PIK3C2G: variants seen among roughly 807,000 people sequenced by gnomAD.
PIK3C2G encodes the protein phosphatidylinositol 3-kinase C2 domain-containing subunit gamma.
Under a neutral mutation model 181.1 loss-of-function variants are expected in PIK3C2G, and 168 were observed. The observed-to-expected ratio is 0.93, with a 90% CI of 0.82 to 1.05. The LOEUF (loss-of-function observed/expected upper bound fraction) is 1.05, where lower values mean the gene tolerates loss of function less well. Among genes scored for constraint, PIK3C2G ranks in the 50% least tolerant of loss-of-function variants. The pLI is 0.00. For missense variants in PIK3C2G, 1,869 were observed against 1,732.8 expected (o/e 1.08, Z -1.40); for synonymous variants, 573 against 592.2 (o/e 0.97, Z 0.47).
chr12:18,612,775 T>C (rs1355127956), intron 31 of PIK3C2G, among the ~76,000 whole-genome samples: 2 of 152,180 alleles, frequency 1.3e-5, no homozygotes, highest in African/African-American at 2.4e-5. Flanking sequence ...AATATTAAAA[T>C]GAATTATTAT....
At chr12:18,645,683 A>C (rs941121224) in intron 32 of PIK3C2G, among the ~76,000 whole-genome samples, 1 of 152,188 alleles carries the variant, frequency 6.6e-6, no homozygotes, top group Non-Finnish European at 1.5e-5. Flanking sequence ...CTTTGTAGCA[A>C]GGCTTATATT....
At chr12:18,509,203 G>T (rs890903953) in intron 24 of PIK3C2G, among the ~76,000 whole-genome samples, 2 of 151,854 alleles carry the variant, frequency 1.3e-5, no homozygotes, top group South Asian at 2.1e-4. Flanking sequence ...ATGCCACCAC[G>T]CCTGGCTAAT....
intron 24 of PIK3C2G, among the ~76,000 whole-genome samples, chr12:18,528,474 T>A (rs894775300): frequency 2.0e-5 from 3 of 152,198 alleles, no homozygotes; most frequent in Non-Finnish European, 4.4e-5. Context: ...GCCTTATTAC[T>A]AAGTCCCACT....
intron 5 of PIK3C2G, among the ~76,000 whole-genome samples, chr12:18,308,880 T>C (rs1950528718): frequency 6.6e-6 from 1 of 151,856 alleles, no homozygotes; most frequent in South Asian, 2.1e-4. Flanking sequence ...GTGAGGAATG[T>C]AGCACTGTTA....
intron 4 of PIK3C2G, among the ~76,000 whole-genome samples, chr12:18,292,169 C>T (rs1446555544): frequency 7.6e-6 from 1 of 131,330 alleles, no homozygotes; most frequent in Non-Finnish European, 1.6e-5. Flanking sequence ...GAGATCGCAC[C>T]ATTGCACTCC....
intron 11 of PIK3C2G, among the ~76,000 whole-genome samples, chr12:18,350,442 G>C (rs1303745990): frequency 1.3e-5 from 2 of 152,038 alleles, no homozygotes; most frequent in Non-Finnish European, 2.9e-5. Flanking sequence ...AAAATGATTT[G>C]ACAGTACTTT....
chr12:18,695,408 C>T, the PIK3C2G span, among the ~76,000 whole-genome samples: 3 of 152,110 alleles, frequency 2.0e-5, no homozygotes, highest in Non-Finnish European at 4.4e-5. Flanking sequence ...AGTATCAGTG[C>T]ATTGAATGCA....
At chr12:18,468,800 T>TA (rs375032137) in intron 18 of PIK3C2G, among the ~76,000 whole-genome samples, 127 of 152,176 alleles carry the variant, frequency 8.3e-4, no homozygotes, top group African/African-American at 2.3e-3. Context: ...ATTACTTTTT[T>TA]AAAAAAATAT....
At chr12:18,713,306 C>A in the PIK3C2G span, among the ~76,000 whole-genome samples, 1 of 152,114 alleles carries the variant, frequency 6.6e-6, no homozygotes. Context: ...TCTGAAACAT[C>A]CCTACTCCCA....
the PIK3C2G span, among the ~76,000 whole-genome samples, chr12:18,704,140 G>C: frequency 7.2e-5 from 11 of 152,166 alleles, no homozygotes; most frequent in Middle Eastern, 3.2e-3. Context: ...GAGGTCGACA[G>C]TATTGAATGT....
At position 18,362,850 on chromosome 12, in the gene PIK3C2G, A is replaced by G; in HGVS notation, c.1712A>G (p.Lys571Arg). 1.3e-6 allele frequency: 2 copies of G among 1,518,298 alleles called. No individual in the cohort carries two copies. Among genetic ancestry groups the G allele is most frequent in the Non-Finnish European group, 1.8e-6 (2 of 1,137,340 alleles). 94.1% of individuals were successfully genotyped at this position (1,518,298 alleles called of 1,614,324 possible). ...QVRNYRNIPD[K>R]KLFFFLVNWN... ...AGAAACTACAGAAATATTCCAGACA[A>G]GAAATTATTTTTTTTCTTGGTCAAC... Residue 571 changes from lysine to arginine, a missense_variant, in exon 12 of 33, where the codon AAG (lysine) becomes AGG (arginine). By Grantham distance (26) the Lys-to-Arg change is conservative. Coordinates refer to ENST00000538779, the MANE Select transcript of PIK3C2G (RefSeq NM_001288772.2).
chr12:18,635,348 C>T (rs1949545138), intron 31 of PIK3C2G, among the ~76,000 whole-genome samples: 1 of 152,190 alleles, frequency 6.6e-6, no homozygotes, highest in Non-Finnish European at 1.5e-5. Flanking sequence ...GACACGCCAT[C>T]AAGGCCAGTT....
chr12:18,421,783 A>G (rs1945503863), intron 17 of PIK3C2G, among the ~76,000 whole-genome samples: 3 of 151,412 alleles, frequency 2.0e-5, no homozygotes, highest in Admixed American at 2.0e-4. Flanking sequence ...CTGAAAGGTC[A>G]GGTTGTTACA....
chr12:18,282,490 G>A lies in PIK3C2G; in HGVS notation c.409G>A (p.Asp137Asn), dbSNP rs1949262869. 3.7e-6 allele frequency: 6 copies of A among 1,612,590 alleles called. No homozygotes were observed. The highest frequency in any genetic ancestry group is 5.1e-6 in the Non-Finnish European group (6 of 1,178,924). The change falls in exon 2 of 33, where the codon GAT becomes AAT. Residue 137 changes from aspartate (D) to asparagine (N), a missense_variant. Physicochemically the swap from Asp to Asn is conservative, Grantham distance 23. Coordinates refer to ENST00000538779, the MANE Select transcript of PIK3C2G (RefSeq NM_001288772.2). ...GSPIGKHHGADDSRFSILAPS... is the reference protein window; with the variant it reads ...GSPIGKHHGANDSRFSILAPS... ...CCCCATAGGAAAACATCATGGTGCT[G>A]ATGATTCCAGATTCAGTATTTTAGC...
chr12:18,605,530 T>C (rs909598357), intron 30 of PIK3C2G, among the ~76,000 whole-genome samples: 19 of 152,174 alleles, frequency 1.2e-4, no homozygotes, highest in Admixed American at 5.2e-4. Flanking sequence ...TAATTCATTA[T>C]ATGAAGCCAG....
At chr12:18,683,065 A>G in the PIK3C2G span, 1 of 647,652 alleles carries the variant, frequency 1.5e-6, no homozygotes, top group African/African-American at 1.8e-5. Flanking sequence ...TGAAGTTTCT[A>G]TTTTCTTTTC....
chr12:18,415,608 C>T (rs547077039), intron 16 of PIK3C2G, among the ~76,000 whole-genome samples: 9 of 152,244 alleles, frequency 5.9e-5, no homozygotes, highest in Admixed American at 3.3e-4. Flanking sequence ...AAGCCTAAAA[C>T]GATTAAGCAT....
At chr12:18,430,537 T>C (rs1164179682) in intron 18 of PIK3C2G, among the ~76,000 whole-genome samples, 1 of 152,162 alleles carries the variant, frequency 6.6e-6, no homozygotes, top group African/African-American at 2.4e-5. Context: ...TTTATAGACA[T>C]TCAATAATTT....
intron 1 of PIK3C2G, among the ~76,000 whole-genome samples, chr12:18,281,179 C>T (rs1204616513): frequency 2.0e-5 from 3 of 148,692 alleles, no homozygotes; most frequent in Non-Finnish European, 3.0e-5. Flanking sequence ...GTAATTTAAA[C>T]CACAGGAGGT....
Sources: gnomAD v4.1 joint callset for allele counts (sites outside exome capture counted in the v4.1 genomes callset) on GRCh38, gnomAD v4.1.1 for gene constraint, MANE v1.5 for transcripts, NCBI Gene and HGNC (gene_info 2026-07-23, HGNC 2026-07-21) for gene names.